The following AMD1 variants were observed in gnomAD, a reference collection of about 807,000 sequenced individuals.
AMD1 encodes the protein S-adenosylmethionine decarboxylase proenzyme.
A neutral mutation model predicts 40.2 loss-of-function variants in AMD1; 11 were observed. The ratio of observed to expected loss-of-function variants is 0.27; its 90% CI spans 0.17 to 0.45. The LOEUF (loss-of-function observed/expected upper bound fraction) is 0.45. Among genes scored for constraint, AMD1 ranks in the 20% least tolerant of loss-of-function variants. The pLI, the probability that AMD1 is intolerant of heterozygous loss-of-function variation, is 1.00. For synonymous variants in AMD1, 121 were observed against 130.8 expected (o/e 0.93, Z 0.51); for missense variants, 257 against 410.2 (o/e 0.63, Z 3.23).
rs1407007401 is a variant in AMD1 at position 110,893,932 on chromosome 6, A to G, written c.*316A>G. ...TTGTGAAAGCAACTCAATTTGGTTTATGCACAGTGTAATATTTCTCCAAGT... is the reference window on the plus strand; with the variant it reads ...TTGTGAAAGCAACTCAATTTGGTTTGTGCACAGTGTAATATTTCTCCAAGT... On this transcript the variant is annotated 3_prime_UTR_variant, in exon 9 of 9. Transcript: ENST00000368885. The G allele has an allele frequency of 3.5e-6, 1 of 287,966 alleles. No individual in the cohort carries two copies. Among genetic ancestry groups the G allele is most frequent in the Non-Finnish European group, 6.8e-6 (1 of 148,008 alleles). The allele number at this position is 287,966 out of a possible 1,614,324, so 17.8% of individuals were successfully genotyped here.
At chr6:110,839,372 C>G in the AMD1 span, among the ~76,000 whole-genome samples, 1 of 152,212 alleles carries the variant, frequency 6.6e-6, no homozygotes, top group African/African-American at 2.4e-5. Context: ...TTTTTCTTTA[C>G]TCTCATACCA....
the AMD1 span, among the ~76,000 whole-genome samples, chr6:110,862,981 G>C: frequency 6.6e-6 from 1 of 152,012 alleles, no homozygotes; most frequent in African/African-American, 2.4e-5. Context: ...GTCTCACTCT[G>C]TCACCCAGGC....
the AMD1 span, among the ~76,000 whole-genome samples, chr6:110,835,701 A>G: frequency 6.6e-6 from 1 of 152,044 alleles, no homozygotes; most frequent in Non-Finnish European, 1.5e-5. Context: ...TTATGTCTCT[A>G]TTAAAGTACA....
At chr6:110,844,704 C>T in the AMD1 span, among the ~76,000 whole-genome samples, 51 of 151,614 alleles carry the variant, frequency 3.4e-4, no homozygotes, top group African/African-American at 1.1e-3. Flanking sequence ...TGGCTTGAAC[C>T]CGGGAGGCAG....
At chr6:110,823,645 G>A in the AMD1 span, among the ~76,000 whole-genome samples, 7 of 152,150 alleles carry the variant, frequency 4.6e-5, no homozygotes, top group Non-Finnish European at 1.0e-4. Flanking sequence ...GTTTATTCTT[G>A]TATCTCTAGT....
chr6:110,857,531 CA>C, the AMD1 span, among the ~76,000 whole-genome samples: 16 of 106,122 alleles, frequency 1.5e-4, no homozygotes, highest in East Asian at 1.7e-3. Context: ...AACTCTGTCT[CA>C]AAAAAAAAGT....
chr6:110,875,441 C>T, intron 1 of AMD1: 3 of 488,946 alleles, frequency 6.1e-6, no homozygotes, highest in East Asian at 3.6e-5. Flanking sequence ...CCTGGCATTG[C>T]CCTGGGGGAG....
the AMD1 span, among the ~76,000 whole-genome samples, chr6:110,820,325 C>A: frequency 2.0e-5 from 3 of 151,666 alleles, no homozygotes; most frequent in Non-Finnish European, 2.9e-5. Flanking sequence ...CGACCTCCAC[C>A]TCCCAGGTTC....
the AMD1 span, among the ~76,000 whole-genome samples, chr6:110,844,227 C>CAA: frequency 7.0e-6 from 1 of 141,902 alleles, no homozygotes; most frequent in Admixed American, 7.1e-5. Context: ...GTCCCTACTT[C>CAA]AAAAAAAAAG....
the AMD1 span, among the ~76,000 whole-genome samples, chr6:110,821,529 A>G: frequency 6.6e-6 from 1 of 152,026 alleles, no homozygotes; most frequent in Non-Finnish European, 1.5e-5. Flanking sequence ...CGGGAGAATC[A>G]CTTGAACCCA....
chr6:110,889,242 A>G (rs1489283399), intron 3 of AMD1: 2 of 241,646 alleles, frequency 8.3e-6, no homozygotes, highest in Non-Finnish European at 8.0e-6. Context: ...ATTTCTTAAC[A>G]TGGCTACTTA....
the AMD1 span, among the ~76,000 whole-genome samples, chr6:110,859,731 C>T: frequency 7.2e-5 from 11 of 152,068 alleles, no homozygotes; most frequent in Non-Finnish European, 1.0e-4. Flanking sequence ...CCCTGGGGCC[C>T]GGTGAGGAAA....
the AMD1 span, among the ~76,000 whole-genome samples, chr6:110,823,559 T>G: frequency 1.3e-5 from 2 of 152,198 alleles, no homozygotes; most frequent in Non-Finnish European, 2.9e-5. Context: ...AGCAGTCCTA[T>G]ACAGCAACAA....
chr6:110,830,508 C>T, the AMD1 span, among the ~76,000 whole-genome samples: 1 of 152,154 alleles, frequency 6.6e-6, no homozygotes, highest in East Asian at 1.9e-4. Flanking sequence ...ATGGCAATAC[C>T]CAGAAGTTAC....
chr6:110,867,473 G>A, the AMD1 span, among the ~76,000 whole-genome samples: 1 of 152,092 alleles, frequency 6.6e-6, no homozygotes, highest in South Asian at 2.1e-4. Flanking sequence ...AGACCAGCCT[G>A]GTCAACATGG....
At chr6:110,815,739 C>T in the AMD1 span, 1 of 152,522 alleles carries the variant, frequency 6.6e-6, no homozygotes, top group Non-Finnish European at 1.5e-5. Flanking sequence ...GTGCCTTACT[C>T]TAGTGGGAAG....
chr6:110,859,082 G>C, the AMD1 span: 1 of 1,284,964 alleles, frequency 7.8e-7, no homozygotes, highest in Non-Finnish European at 1.1e-6. Context: ...GGGCTCCCTC[G>C]GGCGCGCAGG....
chr6:110,827,571 C>T, the AMD1 span, among the ~76,000 whole-genome samples: 3,338 of 152,018 alleles, frequency 0.022, 354 homozygotes, highest in East Asian at 0.35. Flanking sequence ...TTGAGACCAG[C>T]CTGGCCAACA....
chr6:110,891,168 C>T (rs1785996407), intron 4 of AMD1: 1 of 152,224 alleles, frequency 6.6e-6, no homozygotes, highest in East Asian at 1.9e-4. Context: ...ATCATTATAG[C>T]TCACTGCATT....
Sources: allele counts gnomAD v4.1 joint callset (sites outside exome capture counted in the v4.1 genomes callset), GRCh38; gene constraint gnomAD v4.1.1; transcripts MANE v1.5; gene names NCBI Gene and HGNC (gene_info 2026-07-23, HGNC 2026-07-21).